Variants in TYK2 observed in about 807,000 individuals in gnomAD.
TYK2 encodes non-receptor tyrosine-protein kinase TYK2.
In TYK2, 65 loss-of-function variants were observed where a neutral mutation model predicts 130.9. That is an observed-to-expected ratio of 0.50 (90% confidence interval 0.41 to 0.61). The LOEUF (loss-of-function observed/expected upper bound fraction) is 0.61. Among genes scored for constraint, TYK2 ranks in the 20% least tolerant of loss-of-function variants. TYK2 has a pLI of 0.00. For synonymous variants in TYK2, 647 were observed against 658.9 expected (o/e 0.98, Z 0.28); for missense variants, 1,378 against 1,610.7 (o/e 0.86, Z 2.47).
At position 10,361,618 on chromosome 19, in the gene TYK2, C is replaced by T; in HGVS notation, c.1960-20G>A. 1 of 1,549,958 alleles carries T rather than the reference C, an allele frequency of 6.5e-7. No individual in the cohort carries two copies. The highest frequency in any genetic ancestry group is 8.7e-7 in the Non-Finnish European group (1 of 1,149,330). ...GAAGGCCTGTGGGGACCGGGCAGGT[C>T]AGGTGGCTGCAAAGCCGACCCCTCC... On this transcript the variant is annotated intron_variant, in intron 13 of 24. Coordinates refer to ENST00000525621, the MANE Select transcript of TYK2 (RefSeq NM_003331.5). This position sits in a 1 kb window ranked among gnomAD's most constrained non-coding sequence, Gnocchi z 4.0.
At position 10,372,490 on chromosome 19, in the gene TYK2, T is replaced by A. The variant is rs1465583025; in HGVS notation, c.194-4072A>T. ...TATATATATATATATATATATTTTT[T>A]TTTTTTTTTTTTTTTTTGAGACAGC... On this transcript the variant is annotated intron_variant, in intron 3 of 24. Coordinates refer to ENST00000525621, the MANE Select transcript of TYK2 (RefSeq NM_003331.5). 6.2e-3 allele frequency among the ~76,000 whole-genome samples: 544 copies of A among 87,748 alleles called. 8 individuals carry two copies. Among genetic ancestry groups the A allele is most frequent in the African/African-American group, 0.016 (296 of 18,492 alleles). The allele number at this position is 87,748 out of a possible 152,430, so 57.6% of individuals were successfully genotyped here. A position where few individuals can be genotyped will look rare whatever the true frequency, so the allele number is the denominator to read the frequency against.
At chr19:10,371,596 A>T (rs2041909317) in intron 3 of TYK2, among the ~76,000 whole-genome samples, 1 of 151,938 alleles carries the variant, frequency 6.6e-6, no homozygotes, top group Non-Finnish European at 1.5e-5. Flanking sequence ...AGATCGTGCT[A>T]TTGCACTCCA....
rs142823384 is a variant in TYK2, at chr19:10,353,822, G to A, written c.2909-176C>T. ...CAGAACCCCATTCTCACTTGAGGGA[G>A]CTGCTGGTGGCTCCCGTCCATCCTG... On this transcript the variant is annotated intron_variant, in intron 20 of 24. Transcript: ENST00000525621. This position sits in a 1 kb window ranked among gnomAD's most constrained non-coding sequence, Gnocchi z 6.9. The A allele has an allele frequency of 3.1e-4, 213 of 677,196 alleles. 1 individual carries two copies. The East Asian group carries it at 5.3e-3, about 17-fold the overall frequency. 41.9% of individuals were successfully genotyped at this position (677,196 alleles called of 1,614,324 possible).
At chr19:10,380,333 A>G (rs1200745132) in intron 1 of TYK2, 47 bp downstream of exon 1, 1 of 151,900 alleles carries the variant, frequency 6.6e-6, no homozygotes, top group East Asian at 1.9e-4. Context: ...TCCCCCCAAA[A>G]CCTCTAAACC....
At chr19:10,372,495 T>A in intron 3 of TYK2, among the ~76,000 whole-genome samples, 1 of 113,092 alleles carries the variant, frequency 8.8e-6, no homozygotes, top group Non-Finnish European at 1.8e-5. Flanking sequence ...TTTTTTTTTT[T>A]TTTTTTTTTT....
At position 10,374,797 on chromosome 19, in the gene TYK2, C is replaced by T. The variant is rs528561546; in HGVS notation, c.193+3417G>A. 7.9e-5 allele frequency among the ~76,000 whole-genome samples: 12 copies of T among 151,638 alleles called. No homozygotes were observed. The South Asian group carries it at 1.3e-3, about 16-fold the overall frequency. ...ACTCAGGAGGCTGAGGCAGGAGGAT[C>T]GCTAGAACCCGGGAGGCGGAGGTTG... On this transcript the variant is annotated intron_variant, in intron 3 of 24. Coordinates refer to ENST00000525621, the MANE Select transcript of TYK2 (RefSeq NM_003331.5).
Position 10,378,949 on chromosome 19 carries a change from C to T in TYK2, c.-20-523G>A, listed in dbSNP as rs1199899630. ...AATGGTACAATCTTGCTCACCACAA[C>T]CTCTGCCTCCTGGGTTTAAGTGATT... On this transcript the variant is annotated intron_variant, in intron 2 of 24. Coordinates refer to ENST00000525621, the MANE Select transcript of TYK2 (RefSeq NM_003331.5). Among the ~76,000 whole-genome samples, 10 of 152,228 alleles carry T rather than the reference C, an allele frequency of 6.6e-5. No homozygotes were observed. The East Asian group carries it at 1.9e-3, about 29-fold the overall frequency.
chr19:10,377,591 G>T (rs2042187858), intron 3 of TYK2, among the ~76,000 whole-genome samples: 1 of 94,148 alleles, frequency 1.1e-5, no homozygotes, highest in African/African-American at 4.0e-5. Context: ...TGGATGGATG[G>T]ATGAATGGAT....
intron 3 of TYK2, among the ~76,000 whole-genome samples, chr19:10,373,818 T>C (rs2042010059): frequency 6.6e-6 from 1 of 152,056 alleles, no homozygotes; most frequent in African/African-American, 2.4e-5. Context: ...ATTTCAATTG[T>C]TACTTCCCCT....
rs560924115 is a variant in TYK2, at chr19:10,372,688, G to A, written c.194-4270C>T. 8.2e-4 allele frequency among the ~76,000 whole-genome samples: 123 copies of A among 149,396 alleles called. 1 individual carries two copies. The highest frequency in any genetic ancestry group is 2.8e-3 in the African/African-American group (115 of 40,552). On this transcript the variant is annotated intron_variant, in intron 3 of 24. Transcript: ENST00000525621. ...GTATTTTTAGTAGAGACGGGGTTTCGCGATGTTGCCCAGGCTGATCTTGAA... is the reference window on the plus strand; with the variant it reads ...GTATTTTTAGTAGAGACGGGGTTTCACGATGTTGCCCAGGCTGATCTTGAA...
chr19:10,364,170 AGT>A lies in TYK2; in HGVS notation c.1367+442_1367+443del, dbSNP rs1427361870. Among the ~76,000 whole-genome samples the A allele has an allele frequency of 6.6e-6, 1 of 152,222 alleles. No individual in the cohort carries two copies. Among genetic ancestry groups the A allele is most frequent in the Admixed American group, 6.5e-5 (1 of 15,272 alleles). On this transcript the variant is annotated intron_variant, in intron 9 of 24. Coordinates refer to ENST00000525621, the MANE Select transcript of TYK2 (RefSeq NM_003331.5). This position sits in a 1 kb window ranked among gnomAD's most constrained non-coding sequence, Gnocchi z 4.9. ...GGTCACCAGCGTCAGGGTAACACAC[AGT>A]CCCATGAAAATCACCAGTTCTGTGC...
intron 3 of TYK2, among the ~76,000 whole-genome samples, chr19:10,370,672 G>A (rs2041875477): frequency 6.6e-6 from 1 of 151,856 alleles, no homozygotes; most frequent in Admixed American, 6.6e-5. Context: ...ACAAAAATTA[G>A]CTGGGTGTGG....
Position 10,378,343 on chromosome 19 carries a change from T to C in TYK2, c.64A>G (p.Met22Val), listed in dbSNP as rs777395821. 16 of 1,612,546 alleles carry C rather than the reference T, an allele frequency of 9.9e-6. No individual in the cohort carries two copies. The East Asian group carries it at 3.3e-4, about 34-fold the overall frequency. ...SKPVGDGAQP[M>V]AAMGGLKVLL... ...ACCTTCAGGCCTCCCATGGCAGCCA[T>C]GGGCTGGGCTCCATCCCCAACGGGC... is the stretch of plus-strand genomic sequence containing the variant. The change falls in exon 3 of 25, where the codon ATG becomes GTG. Residue 22 changes from methionine (M) to valine (V), a missense_variant. By Grantham distance (21) the Met-to-Val change is conservative (BLOSUM62 1). Coordinates refer to ENST00000525621, the MANE Select transcript of TYK2 (RefSeq NM_003331.5).
rs1463757256 is a variant in TYK2, at chr19:10,362,609, G to A, written c.1416C>T (p.Leu472=). Residue 472 remains leucine, a synonymous_variant, in exon 10 of 25, where the codon CTC becomes CTT. Transcript: ENST00000525621. ...AKLRPEDGLY[L]IHWSTSHPYR... ...AGGGGTGGCTGGTGCTCCAGTGAATGAGGTACAGGCCGTCCTCGGGCCGCA... is the reference window on the plus strand; with the variant it reads ...AGGGGTGGCTGGTGCTCCAGTGAATAAGGTACAGGCCGTCCTCGGGCCGCA... The A allele has an allele frequency of 6.4e-7, 1 of 1,553,200 alleles. No homozygotes were observed. The highest frequency in any genetic ancestry group is 8.7e-7 in the Non-Finnish European group (1 of 1,147,816).
At chr19:10,352,844 A>G (rs2040880701) in intron 22 of TYK2, 82 bp downstream of exon 22, 1 of 1,485,478 alleles carries the variant, frequency 6.7e-7, no homozygotes. Flanking sequence ...ATGCCCTATC[A>G]TGATACCCAG....
intron 19 of TYK2, 121 bp downstream of exon 19, chr19:10,354,391 C>G (rs1259012861): frequency 7.5e-7 from 1 of 1,338,434 alleles, no homozygotes; most frequent in African/African-American, 1.4e-5. Context: ...CCTAGGCCTC[C>G]CTCAAAGCAG....
chr19:10,375,087 G>A (rs1378731697), intron 3 of TYK2, among the ~76,000 whole-genome samples: 1 of 151,692 alleles, frequency 6.6e-6, no homozygotes, highest in Non-Finnish European at 1.5e-5. Flanking sequence ...AAAATCACTT[G>A]AGCCTGGGCA....
intron 22 of TYK2, 31 bp downstream of exon 22, chr19:10,352,894 GC>G: frequency 6.4e-7 from 1 of 1,568,116 alleles, no homozygotes; most frequent in South Asian, 1.2e-5. Context: ...AGTGACCCCA[GC>G]ACCCCCTCAG....
Position 10,359,206 on chromosome 19 carries a change from G to T in TYK2, c.2144C>A (p.Ala715Asp). The T allele has an allele frequency of 6.2e-7, 1 of 1,606,882 alleles. No homozygotes were observed. ...HVPMAWKMVVAQQLASALSYL... is the reference protein window; with the variant it reads ...HVPMAWKMVVDQQLASALSYL... ...GCTGAGGGCGCTGGCCAGCTGCTGG[G>T]CCACCACCATCTTCCAAGCCATGGG... is the stretch of plus-strand genomic sequence containing the variant. The change falls in exon 15 of 25, where the codon GCC becomes GAC. Residue 715 changes from alanine to aspartate, a missense_variant. Coordinates refer to ENST00000525621, the MANE Select transcript of TYK2 (RefSeq NM_003331.5).
Sources: allele counts gnomAD v4.1 joint callset (sites outside exome capture counted in the v4.1 genomes callset), GRCh38; gene constraint gnomAD v4.1.1; non-coding constraint Gnocchi (gnomAD v3.1); transcripts MANE v1.5; gene names NCBI Gene and HGNC (gene_info 2026-07-23, HGNC 2026-07-21).